Variants in SYNE1 observed in about 807,000 individuals in gnomAD.
The protein encoded by SYNE1 is spectrin repeat containing nuclear envelope protein 1.
SYNE1 carries 616 observed loss-of-function variants against 1,111.0 expected under a neutral mutation model. The ratio of observed to expected loss-of-function variants is 0.55; its 90% confidence interval spans 0.52 to 0.59. The LOEUF is 0.59. SYNE1 is among the 20% of genes least tolerant of loss of function. The probability of loss-of-function intolerance (pLI) is 0.00; values close to 1 mark genes in which losing one functional copy is unlikely to be tolerated. For missense variants in SYNE1, 10,006 were observed against 10,417.0 expected (o/e 0.96, Z 1.72); for synonymous variants, 3,855 against 3,825.8 (o/e 1.01, Z -0.28).
chr6:152,347,332 T>C, intron 72 of SYNE1, 97 bp from the exon 73 acceptor site: 4 of 1,413,116 alleles, frequency 2.8e-6, no homozygotes, highest in Non-Finnish European at 2.9e-6. Flanking sequence ...TTTAATATTG[T>C]TTTTGAAAGA....
Position 152,358,405 on chromosome 6 carries a change from G to T in SYNE1, c.10576C>A (p.His3526Asn). 2 of 1,614,140 alleles carry T rather than the reference G, an allele frequency of 1.2e-6. No individual in the cohort carries two copies. The highest frequency in any genetic ancestry group is 1.7e-6 in the Non-Finnish European group (2 of 1,180,012). Reference protein sequence around the residue: ...DQYSVLEGDAHTHETTLRDLQ... With the variant: ...DQYSVLEGDANTHETTLRDLQ... The stretch of plus-strand genomic sequence containing the variant: ...TCACGCAATGTTGTCTCATGAGTGT[G>T]GGCATCACCTTCAAGAACTGAATAC... Residue 3526 changes from histidine to asparagine, a missense_variant, in exon 66 of 146, where the codon CAC (histidine) becomes AAC (asparagine). His to Asn is a moderately conservative substitution (Grantham distance 68). This residue lies in a region of SYNE1 where 4,955 missense variants were observed against 5,017.2 expected (regional missense o/e 0.99). Transcript: ENST00000367255.
chr6:152,183,859 C>CCAG (rs2068864558), intron 128 of SYNE1, among the ~76,000 whole-genome samples: 1 of 152,128 alleles, frequency 6.6e-6, no homozygotes, highest in Non-Finnish European at 1.5e-5. Context: ...CAAGATAAGA[C>CCAG]CAGCAAAGTT....
At position 152,130,488 on chromosome 6, in the gene SYNE1, T is replaced by C. The variant is rs558716430; in HGVS notation, c.26153+232A>G. On this transcript the variant is annotated intron_variant, in intron 145 of 145. Transcript: ENST00000367255. Reference sequence around the variant, plus strand: ...TTGATGAAAAGTACCAGATGGGCTATGTTGAGACAAACAGAATTTTCACGG... The same window carrying C: ...TTGATGAAAAGTACCAGATGGGCTACGTTGAGACAAACAGAATTTTCACGG... 5.3e-5 allele frequency among the ~76,000 whole-genome samples: 8 copies of C among 152,354 alleles called. No individual in the cohort carries two copies. In the South Asian group the frequency reaches 1.4e-3, roughly 28 times the overall value.
rs564003859 is a variant in SYNE1 at position 152,288,756 on chromosome 6, G to A, written c.18013-4584C>T. Among the ~76,000 whole-genome samples, 157 of 152,272 alleles carry A rather than the reference G, an allele frequency of 1.0e-3. 1 individual carries two copies. Among genetic ancestry groups the A allele is most frequent in the Non-Finnish European group, 9.7e-4 (66 of 68,022 alleles). On this transcript the variant is annotated intron_variant, in intron 95 of 145. Transcript: ENST00000367255. ...AGACAAGGTTTCACCATGTTGGCCA[G>A]GCTGGTCTTGAACTCCTGACCTCAA...
intron 124 of SYNE1, among the ~76,000 whole-genome samples, chr6:152,208,686 AT>A (rs1209879488): frequency 3.9e-5 from 6 of 152,214 alleles, no homozygotes. Flanking sequence ...AAATTATGTA[AT>A]TTAAAAAGAT....
intron 128 of SYNE1, among the ~76,000 whole-genome samples, chr6:152,184,782 G>A (rs141091799): frequency 0.02 from 3,115 of 152,182 alleles, 121 homozygotes; most frequent in Admixed American, 0.1. Flanking sequence ...GAGGCTACAA[G>A]CACTGGGTGC....
chr6:152,291,613 C>T (rs1300643964), intron 95 of SYNE1, among the ~76,000 whole-genome samples: 1 of 152,138 alleles, frequency 6.6e-6, no homozygotes, highest in African/African-American at 2.4e-5. Flanking sequence ...TGGAAGCTAA[C>T]TTGCATTTTC....
intron 52 of SYNE1, among the ~76,000 whole-genome samples, 170 bp downstream of exon 52, chr6:152,391,107 C>T (rs2097613003): frequency 6.6e-6 from 1 of 152,122 alleles, no homozygotes; most frequent in Middle Eastern, 3.2e-3. Flanking sequence ...TTTCCTCTTA[C>T]AAAGGGGAAA....
Position 152,232,175 on chromosome 6 carries a change from C to T in SYNE1, c.20803G>A (p.Asp6935Asn), listed in dbSNP as rs1588339350. The change falls in exon 113 of 146, where the codon GAT becomes AAT. Residue 6935 changes from aspartate (D) to asparagine (N), a missense_variant. This residue lies in a region of SYNE1 where 2,182 missense variants were observed against 2,287.8 expected (regional missense o/e 0.95). Coordinates refer to ENST00000367255, the MANE Select transcript of SYNE1 (RefSeq NM_182961.4). ...LMENVIQKDE[D>N]NIKNSIGYKA... ...TAACCTATGGAATTTTTAATATTAT[C>T]TTCATCCTTCTGAATAACATTTTCC... is the stretch of plus-strand genomic sequence containing the variant. 3 of 1,608,938 alleles carry T rather than the reference C, an allele frequency of 1.9e-6. No homozygotes were observed. In the East Asian group the frequency reaches 6.7e-5, roughly 36 times the overall value.
At chr6:152,390,124 C>A (rs1195776874) in intron 53 of SYNE1, among the ~76,000 whole-genome samples, 156 bp downstream of exon 53, 3 of 152,140 alleles carry the variant, frequency 2.0e-5, no homozygotes, top group Non-Finnish European at 2.9e-5. Context: ...AACCAGTCAT[C>A]GCCCTATGGA....
chr6:152,347,816 G>A (rs11964341), intron 72 of SYNE1, among the ~76,000 whole-genome samples: 3,959 of 150,876 alleles, frequency 0.026, 183 homozygotes, highest in African/African-American at 0.09. Context: ...GAGTAGGTGG[G>A]ATCACAGGTG....
At chr6:152,286,130 A>T (rs2094314839) in intron 95 of SYNE1, among the ~76,000 whole-genome samples, 1 of 152,200 alleles carries the variant, frequency 6.6e-6, no homozygotes, top group African/African-American at 2.4e-5. Context: ...ATCAAATATC[A>T]TCATGACAAT....
chr6:152,168,588 A>G (rs1315942850), intron 130 of SYNE1, among the ~76,000 whole-genome samples: 1 of 152,240 alleles, frequency 6.6e-6, no homozygotes, highest in Non-Finnish European at 1.5e-5. Flanking sequence ...TTATGCTGGG[A>G]AAGCTATTTA....
chr6:152,216,461 A>G (rs2078696543), intron 121 of SYNE1, among the ~76,000 whole-genome samples: 1 of 152,250 alleles, frequency 6.6e-6, no homozygotes, highest in Non-Finnish European at 1.5e-5. Context: ...GTGACATTGA[A>G]CAAAATGACC....
chr6:152,512,775 G>C (rs6924474), intron 6 of SYNE1, among the ~76,000 whole-genome samples: 2 of 152,102 alleles, frequency 1.3e-5, no homozygotes, highest in African/African-American at 4.8e-5. Context: ...GGGAGCACAG[G>C]TTGGTTTGTC....
chr6:152,392,692 A>C (rs998370373), intron 51 of SYNE1, among the ~76,000 whole-genome samples: 3 of 152,158 alleles, frequency 2.0e-5, no homozygotes, highest in Non-Finnish European at 4.4e-5. Flanking sequence ...GGAACTTATA[A>C]AATAAAATAA....
At chr6:152,633,519 A>G (rs945146313) in intron 2 of SYNE1, among the ~76,000 whole-genome samples, 1 of 152,246 alleles carries the variant, frequency 6.6e-6, no homozygotes, top group Non-Finnish European at 1.5e-5. Flanking sequence ...CCAGGCTACT[A>G]TGGAAGCAAA....
In SYNE1 at chr6:152,606,938, G is replaced by A. The variant is rs994624086; in HGVS notation, c.67+21327C>T. Among the ~76,000 whole-genome samples, 3 of 149,212 alleles carry A rather than the reference G, an allele frequency of 2.0e-5. No homozygotes were observed. The South Asian group carries it at 6.4e-4, about 32-fold the overall frequency. Reference sequence around the variant, plus strand: ...CAAAGTACTGGGATTACAGGCGTGAGCCACCGCGCCCGGCAAAAGGAAAGG... The same window carrying A: ...CAAAGTACTGGGATTACAGGCGTGAACCACCGCGCCCGGCAAAAGGAAAGG... On this transcript the variant is annotated intron_variant, in intron 3 of 145. Transcript: ENST00000367255.
rs1279994576 is a variant in SYNE1, at chr6:152,255,662, C to T, written c.19189G>A (p.Val6397Ile). The change falls in exon 103 of 146, where the codon GTT becomes ATT. Residue 6397 changes from valine to isoleucine, a missense_variant. Physicochemically the swap from Val to Ile is conservative, Grantham distance 29 (BLOSUM62 3). Coordinates refer to ENST00000367255, the MANE Select transcript of SYNE1 (RefSeq NM_182961.4). ...VSATSTWLDD[V>I]EERLFVATAL... ...GTGGCAACAAATAAACGTTCTTCAACGTCATCCAACCAAGTAGAGGTGGCT... is the reference window on the plus strand; with the variant it reads ...GTGGCAACAAATAAACGTTCTTCAATGTCATCCAACCAAGTAGAGGTGGCT... 6.8e-6 allele frequency: 11 copies of T among 1,614,238 alleles called. No homozygotes were observed. The highest frequency in any genetic ancestry group is 2.2e-5 in the East Asian group (1 of 44,886).
Sources: gnomAD v4.1 joint callset for allele counts (sites outside exome capture counted in the v4.1 genomes callset) on GRCh38, gnomAD v4.1.1 for gene constraint, gnomAD v4.1.1 regional missense constraint, MANE v1.5 for transcripts, NCBI Gene and HGNC (gene_info 2026-07-23, HGNC 2026-07-21) for gene names.